The following DUSP22 variants were observed in gnomAD, a reference collection of about 807,000 sequenced individuals.
DUSP22 encodes the protein dual specificity protein phosphatase 22.
In DUSP22, 24 loss-of-function variants were observed where a neutral mutation model predicts 24.5. That is an observed-to-expected ratio of 0.98 (90% CI 0.71 to 1.38). The LOEUF (loss-of-function observed/expected upper bound fraction) is 1.38. Ranked by LOEUF, DUSP22 falls within the 40% of genes most tolerant of loss-of-function variation. DUSP22 has a pLI of 0.00. For missense variants in DUSP22, 330 were observed against 269.2 expected, an observed-to-expected ratio of 1.23 and a Z score of -1.58; for synonymous variants, 160 against 106.4, an observed-to-expected ratio of 1.50 and a Z score of -3.10.
intron 3 of DUSP22, among the ~76,000 whole-genome samples, chr6:334,285 ATTC>A (rs1418138153): frequency 2.0e-5 from 3 of 152,306 alleles, no homozygotes; most frequent in African/African-American, 7.2e-5. Flanking sequence ...GATTCATCTA[ATTC>A]TTCATCAGGC....
chr6:342,247 C>T (rs1759641597), intron 4 of DUSP22, among the ~76,000 whole-genome samples: 1 of 152,312 alleles, frequency 6.6e-6, no homozygotes, highest in Non-Finnish European at 1.5e-5. Context: ...TCTAGATTTG[C>T]TTTTGCTTTT....
At chr6:328,831 A>C (rs1285954949) in intron 3 of DUSP22, among the ~76,000 whole-genome samples, 1 of 152,428 alleles carries the variant, frequency 6.6e-6, no homozygotes, top group Non-Finnish European at 1.5e-5. Flanking sequence ...AAAAGAGAGG[A>C]GAGGTCTTGT....
intron 3 of DUSP22, among the ~76,000 whole-genome samples, chr6:313,656 G>A (rs1419236429): frequency 2.0e-5 from 3 of 152,280 alleles, no homozygotes. Flanking sequence ...GTAGTCTCCG[G>A]GTGCTATTAT....
chr6:315,319 G>T (rs1451455548), intron 3 of DUSP22, among the ~76,000 whole-genome samples: 1 of 152,304 alleles, frequency 6.6e-6, no homozygotes, highest in African/African-American at 2.4e-5. Flanking sequence ...AGAAATCCCA[G>T]CTAAACAGGG....
rs1287113269 is a variant in DUSP22, at chr6:317,440, T to A, written c.138+5478T>A. On this transcript the variant is annotated intron_variant, in intron 3 of 6. Transcript: ENST00000419235. The stretch of plus-strand genomic sequence containing the variant: ...GAAGAAGGCATGTGTGTATTCTCTT[T>A]CCTCTCTTCCCACCCTCTCCTGCTC... Among the ~76,000 whole-genome samples the A allele has an allele frequency of 3.3e-5, 5 of 152,424 alleles. No homozygotes were observed. The East Asian group carries it at 7.7e-4, about 23-fold the overall frequency.
At chr6:313,923 T>C (rs1018347576) in intron 3 of DUSP22, among the ~76,000 whole-genome samples, 1 of 152,310 alleles carries the variant, frequency 6.6e-6, no homozygotes, top group African/African-American at 2.4e-5. Flanking sequence ...TCCAAATCTT[T>C]GTTTAGCTGT....
chr6:341,234 G>A (rs1432322587), intron 4 of DUSP22, among the ~76,000 whole-genome samples: 2 of 152,430 alleles, frequency 1.3e-5, no homozygotes, highest in Admixed American at 6.5e-5. Flanking sequence ...TGTGGACTGA[G>A]CCTATTCCAC....
intron 2 of DUSP22, among the ~76,000 whole-genome samples, chr6:308,495 C>G (rs180728275): frequency 1.3e-5 from 2 of 152,286 alleles, no homozygotes; most frequent in African/African-American, 4.8e-5. Flanking sequence ...TCAGCGAACA[C>G]GGTGCTAGCG....
At chr6:348,516 T>G (rs1759998747) in intron 6 of DUSP22, 3 of 858,034 alleles carry the variant, frequency 3.5e-6, no homozygotes, top group Admixed American at 2.9e-5. Context: ...ACTAGTTTGT[T>G]TCTCTCCCTT....
At chr6:341,791 G>T (rs994368829) in intron 4 of DUSP22, among the ~76,000 whole-genome samples, 1 of 152,286 alleles carries the variant, frequency 6.6e-6, no homozygotes, top group African/African-American at 2.4e-5. Flanking sequence ...AAGAGCTACC[G>T]GGGGGTGGTG....
At chr6:343,726 T>C (rs1759726276) in intron 4 of DUSP22, among the ~76,000 whole-genome samples, 1 of 152,310 alleles carries the variant, frequency 6.6e-6, no homozygotes, top group Admixed American at 6.5e-5. Context: ...CATGGACAGT[T>C]GCTGCTGTTC....
chr6:348,466 C>T (rs549311537), intron 6 of DUSP22, 192 bp downstream of exon 6: 368 of 998,334 alleles, frequency 3.7e-4, no homozygotes, highest in Non-Finnish European at 4.7e-4. Flanking sequence ...AAGCCACAGG[C>T]GCCTACCCTT....
At chr6:292,675 G>T (rs998873884) in intron 1 of DUSP22, 115 bp downstream of exon 1, 1 of 1,387,432 alleles carries the variant, frequency 7.2e-7, no homozygotes, top group Admixed American at 3.4e-5. Flanking sequence ...CGGTGGGGAC[G>T]GGCGCGGAGG....
chr6:294,801 A>G (rs1287915096), intron 1 of DUSP22, among the ~76,000 whole-genome samples: 1 of 152,300 alleles, frequency 6.6e-6, no homozygotes, highest in Non-Finnish European at 1.5e-5. Context: ...AGAGAGAACA[A>G]ACACAAGGTA....
chr6:304,813 C>T (rs1757747140), intron 2 of DUSP22, 152 bp downstream of exon 2: 1 of 1,198,242 alleles, frequency 8.3e-7, no homozygotes, highest in Non-Finnish European at 1.2e-6. Flanking sequence ...TTTTCATGTT[C>T]CCAAACTGAA....
chr6:311,797 G>GTTTTT, intron 2 of DUSP22, 83 bp from the exon 3 acceptor site: 4 of 1,157,294 alleles, frequency 3.5e-6, no homozygotes, highest in South Asian at 1.6e-5. Context: ...CATTTTGTGG[G>GTTTTT]TTTTTTTTTT....
chr6:330,040 G>A (rs1439840407), intron 3 of DUSP22, among the ~76,000 whole-genome samples: 2 of 152,294 alleles, frequency 1.3e-5, no homozygotes, highest in African/African-American at 2.4e-5. Flanking sequence ...CAGAGTGTGT[G>A]TACAGGGGCC....
At chr6:345,132 G>A (rs1759797613) in intron 4 of DUSP22, among the ~76,000 whole-genome samples, 1 of 152,304 alleles carries the variant, frequency 6.6e-6, no homozygotes, top group African/African-American at 2.4e-5. Flanking sequence ...GGCTGAGACA[G>A]CTCCAGCCAC....
intron 3 of DUSP22, among the ~76,000 whole-genome samples, chr6:328,679 T>G (rs1759001013): frequency 6.6e-6 from 1 of 152,296 alleles, no homozygotes; most frequent in African/African-American, 2.4e-5. Context: ...CAGTGGCAAA[T>G]GGGTGCTTTA....
Sources: gnomAD v4.1 joint callset for allele counts (sites outside exome capture counted in the v4.1 genomes callset) on GRCh38, gnomAD v4.1.1 for gene constraint, MANE v1.5 for transcripts, NCBI Gene and HGNC (gene_info 2026-07-23, HGNC 2026-07-21) for gene names.